The following LMBR1L variants were observed in gnomAD, a reference collection of about 807,000 sequenced individuals.
LMBR1L encodes limb development membrane protein 1 like, also known as protein LMBR1L.
In LMBR1L, 47 loss-of-function variants were observed where a neutral mutation model predicts 67.3. The ratio of observed to expected loss-of-function variants is 0.70; its 90% CI spans 0.55 to 0.89. The LOEUF (loss-of-function observed/expected upper bound fraction) is 0.89. Ranked by LOEUF, LMBR1L falls within the 40% of genes least tolerant of loss-of-function variation. The pLI is 0.00. For synonymous variants in LMBR1L, 247 were observed against 250.3 expected, an observed-to-expected ratio of 0.99 and a Z score of 0.13; for missense variants, 533 against 599.2, an observed-to-expected ratio of 0.89 and a Z score of 1.15.
chr12:49,103,925 A>T, intron 5 of LMBR1L, 112 bp from the exon 6 acceptor site: 1 of 1,210,784 alleles, frequency 8.3e-7, no homozygotes, highest in Non-Finnish European at 1.2e-6. Context: ...GAGGTAAGAG[A>T]GAGGGTTTTC....
At chr12:49,110,398 C>T in intron 1 of LMBR1L, 86 bp downstream of exon 1, 2 of 1,316,576 alleles carry the variant, frequency 1.5e-6, no homozygotes, top group Non-Finnish European at 2.2e-6. Context: ...CATGGTTTGA[C>T]GGCACTCTGA....
chr12:49,101,423 C>T, intron 12 of LMBR1L, 49 bp downstream of exon 12: 4 of 1,607,798 alleles, frequency 2.5e-6, no homozygotes, highest in Non-Finnish European at 3.4e-6. Flanking sequence ...CTCTCCCCAG[C>T]TGTTCTTAGG....
chr12:49,110,240 G>A, intron 1 of LMBR1L: 1 of 563,152 alleles, frequency 1.8e-6, no homozygotes, highest in South Asian at 2.0e-5. Flanking sequence ...GGGAGGGAGG[G>A]GCAGGGGAGG....
Position 49,104,018 on chromosome 12 carries a change from C to T in LMBR1L, c.436-205G>A, listed in dbSNP as rs2120987347. 4 of 559,026 alleles carry T rather than the reference C, an allele frequency of 7.2e-6. No homozygotes were observed. In the South Asian group the frequency reaches 9.8e-5, roughly 14 times the overall value. The allele number at this position is 559,026 out of a possible 1,614,324, so 34.6% of individuals were successfully genotyped here. On this transcript the variant is annotated intron_variant, in intron 5 of 16. Coordinates refer to ENST00000267102, the MANE Select transcript of LMBR1L (RefSeq NM_018113.4). ...TACCAGGTGTTCTTCATTTGCATCT[C>T]CTTTCCCCAGACCTATTCCTTGTCA...
At position 49,097,474 on chromosome 12, in the gene LMBR1L, A is replaced by G; in HGVS notation, c.*198T>C. On this transcript the variant is annotated 3_prime_UTR_variant, in exon 17 of 17. Transcript: ENST00000267102. ...CAGCCCTACCCCATGCTGAGGCCAC[A>G]GTTAAGTATGGAAAAGCAGGAGGTC... is the stretch of plus-strand genomic sequence containing the variant. 1 of 601,730 alleles carries G rather than the reference A, an allele frequency of 1.7e-6. No individual in the cohort carries two copies. The highest frequency in any genetic ancestry group is 1.9e-5 in the South Asian group (1 of 51,304). The allele number at this position is 601,730 out of a possible 1,614,324, so 37.3% of individuals were successfully genotyped here.
chr12:49,102,528 G>T lies in LMBR1L; in HGVS notation c.709C>A (p.Leu237Met). The T allele has an allele frequency of 1.2e-6, 2 of 1,614,086 alleles. No individual in the cohort carries two copies. The highest frequency in any genetic ancestry group is 1.7e-6 in the Non-Finnish European group (2 of 1,180,010). The change falls in exon 9 of 17, where the codon CTG becomes ATG. Residue 237 changes from leucine to methionine, a missense_variant. Coordinates refer to ENST00000267102, the MANE Select transcript of LMBR1L (RefSeq NM_018113.4). ...LLVKPRLLED[L>M]EEQLYCSAFE... is the part of the protein sequence containing the mutation. ...GCTGAGCAGTACAGCTGCTCCTCCA[G>T]GTCTTCCAGCAGCTAGGGGCAGGGG...
chr12:49,103,552 G>T, intron 6 of LMBR1L, 135 bp downstream of exon 6: 1 of 1,078,424 alleles, frequency 9.3e-7, no homozygotes, highest in Non-Finnish European at 1.3e-6. Context: ...TTGGCCAGAT[G>T]TCTATCAGTT....
chr12:49,106,660 T>C (rs1275746843), intron 2 of LMBR1L: 1 of 1,335,114 alleles, frequency 7.5e-7, no homozygotes. Flanking sequence ...TCACTTCAGG[T>C]TCACAAAGGG....
chr12:49,103,957 C>G, intron 5 of LMBR1L, 144 bp from the exon 6 acceptor site: 1 of 853,438 alleles, frequency 1.2e-6, no homozygotes. Context: ...CTAAGTTGCT[C>G]TGTCTTCCCA....
intron 15 of LMBR1L, among the ~76,000 whole-genome samples, chr12:49,099,102 A>AC (rs1367962807): frequency 2.9e-5 from 4 of 136,886 alleles, no homozygotes; most frequent in African/African-American, 1.1e-4. Context: ...GGCGTGAACC[A>AC]CCAGGCCTGG....
intron 3 of LMBR1L, 28 bp downstream of exon 3, chr12:49,105,896 T>C (rs1940834063): frequency 1.9e-6 from 3 of 1,599,800 alleles, no homozygotes; most frequent in South Asian, 2.2e-5. Context: ...AGACCACTGA[T>C]GTTAGGTGCT....
At chr12:49,104,427 G>C (rs1940619670) in intron 5 of LMBR1L, 21 bp downstream of exon 5, 2 of 1,496,822 alleles carry the variant, frequency 1.3e-6, no homozygotes, top group East Asian at 4.5e-5. Flanking sequence ...TTTCCTGCCT[G>C]GATACATATC....
At chr12:49,108,001 A>G (rs1941109020) in intron 1 of LMBR1L, among the ~76,000 whole-genome samples, 1 of 152,184 alleles carries the variant, frequency 6.6e-6, no homozygotes, top group South Asian at 2.1e-4. Context: ...GTTGAGGCTC[A>G]CGCCTGTAAT....
Position 49,110,655 on chromosome 12 carries a change from C to A in LMBR1L, c.-100G>T. The stretch of plus-strand genomic sequence containing the variant: ...CAAGCACCCAGACCCAGCCTAGGGG[C>A]CTTTCCTCGCAGCCTGCGACAGAAA... On this transcript the variant is annotated 5_prime_UTR_variant, in exon 1 of 17. Coordinates refer to ENST00000267102, the MANE Select transcript of LMBR1L (RefSeq NM_018113.4). The A allele has an allele frequency of 1.0e-6, 1 of 987,484 alleles. No homozygotes were observed. The highest frequency in any genetic ancestry group is 1.3e-5 in the South Asian group (1 of 76,952). The allele number at this position is 987,484 out of a possible 1,614,324, so 61.2% of individuals were successfully genotyped here.
intron 11 of LMBR1L, 48 bp from the exon 12 acceptor site, chr12:49,101,597 G>T: frequency 7.1e-7 from 1 of 1,400,506 alleles, no homozygotes; most frequent in South Asian, 1.2e-5. Flanking sequence ...ACCACAGCTG[G>T]ACCCAGAGCT....
intron 1 of LMBR1L, chr12:49,110,133 A>G (rs949206203): frequency 3.9e-6 from 2 of 512,032 alleles, no homozygotes; most frequent in Non-Finnish European, 7.6e-6. Flanking sequence ...CAGTTTGAGA[A>G]GCAAACCCAT....
chr12:49,106,651 C>T, intron 2 of LMBR1L: 1 of 1,360,598 alleles, frequency 7.3e-7, no homozygotes, highest in Non-Finnish European at 9.8e-7. Flanking sequence ...AGCAGTTGCT[C>T]ACTTCAGGTT....
intron 2 of LMBR1L, chr12:49,106,497 C>A (rs146055455): frequency 9.5e-7 from 1 of 1,053,488 alleles, no homozygotes; most frequent in Admixed American, 2.3e-5. Context: ...AGGAAAGCTG[C>A]GATCTGAGCA....
At chr12:49,105,099 A>G (rs1940730334) in intron 3 of LMBR1L, 2 of 551,456 alleles carry the variant, frequency 3.6e-6, no homozygotes, top group Non-Finnish European at 6.5e-6. Context: ...GGATGGGCAC[A>G]GCCTCGGGCA....
Sources: gnomAD v4.1 joint callset for allele counts (sites outside exome capture counted in the v4.1 genomes callset) on GRCh38, gnomAD v4.1.1 for gene constraint, MANE v1.5 for transcripts, NCBI Gene and HGNC (gene_info 2026-07-23, HGNC 2026-07-21) for gene names.